The following FHDC1 variants were observed in gnomAD, a reference collection of about 807,000 sequenced individuals.
FHDC1 encodes the protein FH2 domain-containing protein 1.
A neutral mutation model predicts 52.6 loss-of-function variants in FHDC1; 25 were observed. That is an observed-to-expected ratio of 0.48 (90% confidence interval 0.35 to 0.66). The LOEUF is 0.66. FHDC1 is among the 30% of genes least tolerant of loss of function. The pLI, the probability that FHDC1 is intolerant of heterozygous loss-of-function variation, is 0.01. For synonymous variants in FHDC1, 616 were observed against 581.5 expected (o/e 1.06, Z -0.85); for missense variants, 1,459 against 1,452.8 (o/e 1.00, Z -0.07).
chr4:152,941,505 T>C (rs1561201481), intron 1 of FHDC1, among the ~76,000 whole-genome samples: 2 of 152,194 alleles, frequency 1.3e-5, no homozygotes, highest in Non-Finnish European at 2.9e-5. Flanking sequence ...TACAAACCAA[T>C]GGAACAAGTA....
At chr4:152,951,247 T>G (rs191697358) in intron 2 of FHDC1, among the ~76,000 whole-genome samples, 5 of 152,382 alleles carry the variant, frequency 3.3e-5, no homozygotes, top group Admixed American at 6.5e-5. Context: ...CATGGCCTTT[T>G]AATTTATTAA....
the FHDC1 span, among the ~76,000 whole-genome samples, chr4:152,930,046 C>T: frequency 1.3e-5 from 2 of 152,350 alleles, no homozygotes; most frequent in South Asian, 2.1e-4. Context: ...CCTGCACTCC[C>T]TCCCTGCCCC....
Position 152,975,060 on chromosome 4 carries a change from A to G in FHDC1, c.1769A>G (p.Glu590Gly), listed in dbSNP as rs1206162600. ...ACGATAGCCTGCCTGGAGCCTGCAGAAGTGAGGCACCAGGACTCCAGCTTT... is the reference window on the plus strand; with the variant it reads ...ACGATAGCCTGCCTGGAGCCTGCAGGAGTGAGGCACCAGGACTCCAGCTTT... ...RPTIACLEPAEVRHQDSSFAH... is the reference protein window; with the variant it reads ...RPTIACLEPAGVRHQDSSFAH... The change falls in exon 12 of 12, where the codon GAA (glutamate) becomes GGA (glycine). Residue 590 changes from glutamate to glycine, a missense_variant. Coordinates refer to ENST00000511601, the MANE Select transcript of FHDC1 (RefSeq NM_001371116.1). 2.5e-6 allele frequency: 4 copies of G among 1,612,418 alleles called. No individual in the cohort carries two copies. Among genetic ancestry groups the G allele is most frequent in the Non-Finnish European group, 3.4e-6 (4 of 1,179,712 alleles).
Position 152,960,817 on chromosome 4 carries a change from A to T in FHDC1, c.823A>T (p.Ile275Leu), listed in dbSNP as rs760748106. 2.5e-6 allele frequency: 4 copies of T among 1,604,960 alleles called. No individual in the cohort carries two copies. In the African/African-American group the frequency reaches 4.0e-5, roughly 16 times the overall value. Reference sequence around the variant, plus strand: ...TTCTTGCTCTTCTCTATATACAGATATAACAGTTTTAAGAACTGCTATAAA... The same window carrying T: ...TTCTTGCTCTTCTCTATATACAGATTTAACAGTTTTAAGAACTGCTATAAA... ...LPSCSSLYTD[I>L]TVLRTAIKEL... The change falls in exon 6 of 12, where the codon ATA becomes TTA. Residue 275 changes from isoleucine to leucine, a missense_variant. Transcript: ENST00000511601.
At chr4:152,973,069 A>C (rs1740690461) in intron 11 of FHDC1, among the ~76,000 whole-genome samples, 1 of 152,204 alleles carries the variant, frequency 6.6e-6, no homozygotes, top group South Asian at 2.1e-4. Context: ...ATAACCACAA[A>C]GCCTGCTGCC....
chr4:152,979,059 G>T lies in FHDC1; in HGVS notation c.*2336G>T, dbSNP rs1279492389. 6.6e-6 allele frequency: 1 copy of T among 152,226 alleles called. No homozygotes were observed. The highest frequency in any genetic ancestry group is 1.5e-5 in the Non-Finnish European group (1 of 68,054). 9.4% of individuals were successfully genotyped at this position (152,226 alleles called of 1,614,324 possible). ...ATAAGGTCCATGGTGGTGGAAAATG[G>T]ATGCAAGTGATTCTAAGTTTGTGGA... On this transcript the variant is annotated 3_prime_UTR_variant, in exon 12 of 12. Coordinates refer to ENST00000511601, the MANE Select transcript of FHDC1 (RefSeq NM_001371116.1).
At chr4:152,933,582 A>C (rs1739287502), upstream of FHDC1, among the ~76,000 whole-genome samples, 2 of 151,750 alleles carry the variant, frequency 1.3e-5, no homozygotes, top group Admixed American at 6.6e-5. Flanking sequence ...AAAATACAAA[A>C]ATTAGCCAGG....
intron 1 of FHDC1, among the ~76,000 whole-genome samples, chr4:152,937,113 G>T (rs897890871): frequency 1.3e-5 from 2 of 152,228 alleles, no homozygotes; most frequent in African/African-American, 4.8e-5. Context: ...TTGGAGAGCG[G>T]GTTCTGACCG....
chr4:152,962,912 GT>G, intron 7 of FHDC1, 28 bp downstream of exon 7: 1 of 1,597,428 alleles, frequency 6.3e-7, no homozygotes, highest in Non-Finnish European at 8.6e-7. Flanking sequence ...CAATTGTAAT[GT>G]TATGTTTTCA....
Position 152,976,450 on chromosome 4 carries a change from C to T in FHDC1, c.3159C>T (p.Pro1053=), listed in dbSNP as rs143636540. 2.5e-6 allele frequency: 4 copies of T among 1,613,580 alleles called. No individual in the cohort carries two copies. The highest frequency in any genetic ancestry group is 3.4e-6 in the Non-Finnish European group (4 of 1,180,038). The change falls in exon 12 of 12, where the codon CCC becomes CCT. Residue 1053 remains proline (P), a synonymous_variant. Coordinates refer to ENST00000511601, the MANE Select transcript of FHDC1 (RefSeq NM_001371116.1). Reference sequence around the variant, plus strand: ...GAAGCATGAGAACAGATCTTCCTCCCGTGGCCAAAGCCCCCGGCATCACTC... The same window carrying T: ...GAAGCATGAGAACAGATCTTCCTCCTGTGGCCAAAGCCCCCGGCATCACTC... ...SSRSMRTDLP[P]VAKAPGITRT...
Position 152,976,770 on chromosome 4 carries a change from T to G in FHDC1, c.*47T>G. The G allele has an allele frequency of 6.9e-7, 1 of 1,447,430 alleles. No homozygotes were observed. The highest frequency in any genetic ancestry group is 1.4e-5 in the African/African-American group (1 of 69,990). 89.7% of individuals were successfully genotyped at this position (1,447,430 alleles called of 1,614,324 possible). On this transcript the variant is annotated 3_prime_UTR_variant, in exon 12 of 12. Transcript: ENST00000511601. ...CTCCTGGGATTCAGACGGTGAAGACTGACTTCTGGGACGAGGATGGGGAAA... is the reference window on the plus strand; with the variant it reads ...CTCCTGGGATTCAGACGGTGAAGACGGACTTCTGGGACGAGGATGGGGAAA...
the FHDC1 span, among the ~76,000 whole-genome samples, chr4:152,926,653 C>T: frequency 6.7e-6 from 1 of 148,950 alleles, no homozygotes; most frequent in East Asian, 1.9e-4. Context: ...AAATCTTTCC[C>T]TTTTTTTTTC....
At chr4:152,952,521 A>T (rs1739957639) in intron 2 of FHDC1, among the ~76,000 whole-genome samples, 2 of 152,376 alleles carry the variant, frequency 1.3e-5, no homozygotes, top group Non-Finnish European at 2.9e-5. Flanking sequence ...AAAAGTAGAA[A>T]ATAACAATAC....
the FHDC1 span, among the ~76,000 whole-genome samples, chr4:152,917,761 G>A: frequency 8.6e-4 from 131 of 152,212 alleles, no homozygotes; most frequent in East Asian, 4.8e-3. Flanking sequence ...ACTTTCATTC[G>A]CCGCCTGATT....
intron 4 of FHDC1, among the ~76,000 whole-genome samples, chr4:152,960,243 G>T (rs1039838473): frequency 6.6e-6 from 1 of 151,798 alleles, no homozygotes; most frequent in Non-Finnish European, 1.5e-5. Context: ...TTCATCCTTA[G>T]AACTGATTCC....
chr4:152,976,135 C>T lies in FHDC1; in HGVS notation c.2844C>T (p.Ala948=). ...CACGCCAGAACTCCGTGCGGAGGGC[C>T]TCCACAGGCGCCGAAGAGCAGAGGC... The part of the protein sequence containing the change: ...VWSRQNSVRR[A]STGAEEQRLP... The change falls in exon 12 of 12, where the codon GCC becomes GCT. Residue 948 remains alanine, a synonymous_variant. Transcript: ENST00000511601. 7 of 1,611,478 alleles carry T rather than the reference C, an allele frequency of 4.3e-6. No individual in the cohort carries two copies. The highest frequency in any genetic ancestry group is 1.7e-5 in the Admixed American group (1 of 59,854).
chr4:152,954,394 C>A, intron 4 of FHDC1, 75 bp downstream of exon 4: 1 of 1,283,584 alleles, frequency 7.8e-7, no homozygotes, highest in Non-Finnish European at 1.1e-6. Flanking sequence ...TGTGTCAAAG[C>A]TCACATGGAA....
chr4:152,951,780 A>G (rs984821470), intron 2 of FHDC1, among the ~76,000 whole-genome samples: 2 of 152,226 alleles, frequency 1.3e-5, no homozygotes, highest in Non-Finnish European at 2.9e-5. Context: ...AAAAAACTGC[A>G]GCAGTTTTCA....
upstream of FHDC1, among the ~76,000 whole-genome samples, chr4:152,935,487 CCT>C (rs1346626457): frequency 1.3e-5 from 2 of 152,204 alleles, no homozygotes; most frequent in South Asian, 2.1e-4. Context: ...AATCGATTCC[CCT>C]GTTTCTTTCT....
Sources: allele counts gnomAD v4.1 joint callset (sites outside exome capture counted in the v4.1 genomes callset), GRCh38; gene constraint gnomAD v4.1.1; transcripts MANE v1.5; gene names NCBI Gene and HGNC (gene_info 2026-07-23, HGNC 2026-07-21).